Variants in GRM7 observed in about 807,000 individuals in gnomAD.
GRM7 encodes glutamate metabotropic receptor 7, also known as metabotropic glutamate receptor 7.
Under a neutral mutation model 84.5 loss-of-function variants are expected in GRM7, and 35 were observed. That is an observed-to-expected ratio of 0.41 (90% CI 0.32 to 0.55). The LOEUF (loss-of-function observed/expected upper bound fraction) is 0.55. GRM7 is among the 20% of genes least tolerant of loss of function. The probability of loss-of-function intolerance (pLI) is 0.19; values close to 1 mark genes in which losing one functional copy is unlikely to be tolerated. For missense variants in GRM7, 1,003 were observed against 1,194.6 expected (o/e 0.84, Z 2.36); for synonymous variants, 487 against 455.1 (o/e 1.07, Z -0.89).
At chr3:7,038,258 C>T (rs1696453580) in intron 1 of GRM7, among the ~76,000 whole-genome samples, 2 of 152,186 alleles carry the variant, frequency 1.3e-5, no homozygotes, top group Non-Finnish European at 2.9e-5. Flanking sequence ...CCACCTTCTT[C>T]TACAGCTAAC....
At chr3:7,117,375 A>T (rs532568801) in intron 1 of GRM7, among the ~76,000 whole-genome samples, 95 of 152,334 alleles carry the variant, frequency 6.2e-4, no homozygotes, top group Admixed American at 1.7e-3. Flanking sequence ...CCTCCACAAC[A>T]TTCTAAACCA....
intron 1 of GRM7, among the ~76,000 whole-genome samples, chr3:6,888,448 A>G (rs1028925087): frequency 2.3e-4 from 35 of 152,270 alleles, no homozygotes; most frequent in African/African-American, 7.9e-4. Context: ...CTTTCTACAT[A>G]TGGCTGGCCA....
chr3:7,008,231 A>G (rs1695249742), intron 1 of GRM7, among the ~76,000 whole-genome samples: 1 of 152,174 alleles, frequency 6.6e-6, no homozygotes, highest in South Asian at 2.1e-4. Context: ...AAGGAGTTAT[A>G]GGGCTAATTG....
intron 1 of GRM7, among the ~76,000 whole-genome samples, chr3:7,032,367 T>A (rs1180815452): frequency 6.6e-6 from 1 of 152,214 alleles, no homozygotes; most frequent in East Asian, 1.9e-4. Context: ...CAACTTTCTA[T>A]TTAACTCCAA....
At chr3:7,198,172 G>C (rs1481031578) in intron 2 of GRM7, among the ~76,000 whole-genome samples, 1 of 150,776 alleles carries the variant, frequency 6.6e-6, no homozygotes, top group African/African-American at 2.4e-5. Flanking sequence ...AAAAAAAAGA[G>C]AGAGATGGAA....
intron 1 of GRM7, among the ~76,000 whole-genome samples, chr3:7,030,854 C>G (rs1432175350): frequency 6.6e-6 from 1 of 152,116 alleles, no homozygotes; most frequent in Non-Finnish European, 1.5e-5. Context: ...TGTCTAACAT[C>G]TATTATTTAA....
At chr3:7,511,361 T>G (rs1700192271) in intron 7 of GRM7, among the ~76,000 whole-genome samples, 2 of 152,192 alleles carry the variant, frequency 1.3e-5, no homozygotes, top group African/African-American at 4.8e-5. Flanking sequence ...GCCTATTCCC[T>G]TCTCCCTTCA....
chr3:7,470,808 T>C (rs559671567), intron 7 of GRM7, among the ~76,000 whole-genome samples: 2 of 151,684 alleles, frequency 1.3e-5, no homozygotes, highest in South Asian at 2.1e-4. Flanking sequence ...ACCAAAATTA[T>C]GAAAAGAAAG....
intron 1 of GRM7, among the ~76,000 whole-genome samples, chr3:7,068,335 G>A (rs980704227): frequency 6.6e-6 from 1 of 152,004 alleles, no homozygotes; most frequent in African/African-American, 2.4e-5. Flanking sequence ...ATAGGGTAAT[G>A]ATGTCAGCAT....
chr3:7,215,350 G>C (rs1397163382), intron 2 of GRM7, among the ~76,000 whole-genome samples: 1 of 152,092 alleles, frequency 6.6e-6, no homozygotes, highest in Non-Finnish European at 1.5e-5. Flanking sequence ...TTCCCCACTT[G>C]TTTGAAGTGA....
chr3:7,104,878 C>T (rs1699241613), intron 1 of GRM7, among the ~76,000 whole-genome samples: 1 of 151,812 alleles, frequency 6.6e-6, no homozygotes, highest in African/African-American at 2.4e-5. Context: ...TCTCTCTGGT[C>T]TGGCATCCAG....
chr3:7,340,792 G>A (rs757832950), intron 4 of GRM7, among the ~76,000 whole-genome samples: 7 of 152,130 alleles, frequency 4.6e-5, no homozygotes, highest in South Asian at 2.1e-4. Context: ...GCAAATCTCT[G>A]ACCAGGAGCC....
At chr3:7,493,340 G>A (rs1009424009) in intron 7 of GRM7, among the ~76,000 whole-genome samples, 4 of 151,854 alleles carry the variant, frequency 2.6e-5, no homozygotes, top group Admixed American at 2.0e-4. Context: ...GTATTCTGAG[G>A]TTCTGTGTTT....
At chr3:7,438,547 G>A (rs1271440803) in intron 5 of GRM7, among the ~76,000 whole-genome samples, 1 of 152,006 alleles carries the variant, frequency 6.6e-6, no homozygotes, top group Non-Finnish European at 1.5e-5. Flanking sequence ...GTACCTCTGG[G>A]CAAATAACAT....
At chr3:7,382,259 A>G (rs185405310) in intron 4 of GRM7, among the ~76,000 whole-genome samples, 1 of 152,068 alleles carries the variant, frequency 6.6e-6, no homozygotes, top group East Asian at 1.9e-4. Flanking sequence ...ATGAGCTTTG[A>G]TTGCCTTTAG....
At chr3:7,233,034 A>C (rs1335860748) in intron 2 of GRM7, among the ~76,000 whole-genome samples, 1 of 152,202 alleles carries the variant, frequency 6.6e-6, no homozygotes, top group Non-Finnish European at 1.5e-5. Flanking sequence ...AGTGGTATTA[A>C]AATAGTTCTT....
chr3:7,106,188 C>A (rs1249704745), intron 1 of GRM7, among the ~76,000 whole-genome samples: 1 of 151,684 alleles, frequency 6.6e-6, no homozygotes, highest in Admixed American at 6.6e-5. Flanking sequence ...TAGATATTTT[C>A]TTTAAAACAG....
In GRM7 at chr3:7,572,259, A is replaced by G. The variant is rs563493749; in HGVS notation, c.1516-6163A>G. Among the ~76,000 whole-genome samples the G allele has an allele frequency of 4.6e-5, 7 of 152,318 alleles. No homozygotes were observed. In the East Asian group the frequency reaches 1.4e-3, roughly 29 times the overall value. ...TGTCCACATACTGAAATCACCTGAGAAACTTTGAAACACACTAATGCCTAT... is the reference window on the plus strand; with the variant it reads ...TGTCCACATACTGAAATCACCTGAGGAACTTTGAAACACACTAATGCCTAT... On this transcript the variant is annotated intron_variant, in intron 7 of 9. Transcript: ENST00000357716.
At chr3:7,360,829 A>G (rs1693628984) in intron 4 of GRM7, among the ~76,000 whole-genome samples, 1 of 152,110 alleles carries the variant, frequency 6.6e-6, no homozygotes, top group South Asian at 2.1e-4. Context: ...ATTAGTCCCC[A>G]CAAGTTTGAT....
Sources: allele counts gnomAD v4.1 joint callset (sites outside exome capture counted in the v4.1 genomes callset), GRCh38; gene constraint gnomAD v4.1.1; transcripts MANE v1.5; gene names NCBI Gene and HGNC (gene_info 2026-07-23, HGNC 2026-07-21).